The following ADGB variants were observed in gnomAD, a reference collection of about 807,000 sequenced individuals.
ADGB encodes the protein calpain-7-like protein.
Under a neutral mutation model 210.5 loss-of-function variants are expected in ADGB, and 172 were observed. That is an observed-to-expected ratio of 0.82 (90% confidence interval 0.72 to 0.93). The LOEUF is 0.93. Among genes scored for constraint, ADGB ranks in the 40% least tolerant of loss-of-function variants. ADGB has a pLI of 0.00. For missense variants in ADGB, 2,025 were observed against 1,964.8 expected, an observed-to-expected ratio of 1.03 and a Z score of -0.58; for synonymous variants, 658 against 662.7, an observed-to-expected ratio of 0.99 and a Z score of 0.11.
intron 33 of ADGB, among the ~76,000 whole-genome samples, chr6:146,800,144 T>TC (rs914980947): frequency 2.0e-5 from 3 of 151,888 alleles, no homozygotes; most frequent in African/African-American, 7.2e-5. Context: ...TTTTCTTTTT[T>TC]TTTAAATGAA....
intron 10 of ADGB, among the ~76,000 whole-genome samples, chr6:146,689,367 T>C (rs926472221): frequency 6.6e-6 from 1 of 152,130 alleles, no homozygotes; most frequent in African/African-American, 2.4e-5. Context: ...GAAGTATTGC[T>C]TAGTACATTG....
At chr6:146,690,294 A>T (rs561858003) in intron 10 of ADGB, among the ~76,000 whole-genome samples, 2 of 152,328 alleles carry the variant, frequency 1.3e-5, no homozygotes, top group African/African-American at 2.4e-5. Flanking sequence ...ATTGCATAGA[A>T]ATCATTGAGA....
intron 1 of ADGB, among the ~76,000 whole-genome samples, chr6:146,611,996 T>C (rs1029152531): frequency 1.3e-5 from 2 of 152,148 alleles, no homozygotes; most frequent in African/African-American, 4.8e-5. Context: ...AGCATTACTT[T>C]GTTTGAGACC....
chr6:146,721,931 C>T (rs930668706), intron 17 of ADGB, among the ~76,000 whole-genome samples: 2 of 151,982 alleles, frequency 1.3e-5, no homozygotes, highest in African/African-American at 2.4e-5. Context: ...TCCCACAGGA[C>T]CACCTACACC....
At chr6:146,759,352 A>G (rs1264727125) in intron 27 of ADGB, among the ~76,000 whole-genome samples, 4 of 151,848 alleles carry the variant, frequency 2.6e-5, no homozygotes, top group Non-Finnish European at 1.5e-5. Flanking sequence ...AAAGAATAAA[A>G]TCTTATACTA....
intron 7 of ADGB, among the ~76,000 whole-genome samples, chr6:146,668,437 G>GA (rs1202637531): frequency 6.6e-6 from 1 of 152,070 alleles, no homozygotes; most frequent in Non-Finnish European, 1.5e-5. Context: ...TTTTCAGGGA[G>GA]AAAAAACTGG....
At position 146,691,251 on chromosome 6, in the gene ADGB, C is replaced by G; in HGVS notation, c.1447C>G (p.Arg483Gly). The G allele has an allele frequency of 7.1e-6, 11 of 1,545,230 alleles. No homozygotes were observed. Among genetic ancestry groups the G allele is most frequent in the Non-Finnish European group, 9.6e-6 (11 of 1,145,420 alleles). The part of the protein sequence containing the change: ...PPPLPPWKLI[R>G]QKKETVITDE... ...TCCTCTACCTCCCTGGAAACTCATT[C>G]GTCAAAAAAAGGAAACTGTTATAAC... Residue 483 changes from arginine to glycine, a missense_variant, in exon 11 of 36, where the codon CGT becomes GGT. Transcript: ENST00000397944.
At chr6:146,662,766 C>T (rs1385575165) in intron 5 of ADGB, among the ~76,000 whole-genome samples, 1 of 151,460 alleles carries the variant, frequency 6.6e-6, no homozygotes, top group African/African-American at 2.4e-5. Flanking sequence ...AAGTAGTCAA[C>T]GTGTTTAGAT....
intron 16 of ADGB, among the ~76,000 whole-genome samples, chr6:146,718,901 T>C (rs941369551): frequency 6.6e-6 from 1 of 151,892 alleles, no homozygotes; most frequent in Admixed American, 6.6e-5. Flanking sequence ...CTGGAGTATG[T>C]GAAAACACCT....
At chr6:146,807,332 AT>A (rs1010670313) in intron 35 of ADGB, 3 of 1,477,564 alleles carry the variant, frequency 2.0e-6, no homozygotes, top group African/African-American at 1.4e-5. Flanking sequence ...AAGGAATTTC[AT>A]TTTTTTCTTT....
At chr6:146,632,552 A>C (rs947208280) in intron 1 of ADGB, among the ~76,000 whole-genome samples, 3 of 152,168 alleles carry the variant, frequency 2.0e-5, no homozygotes, top group Admixed American at 6.6e-5. Flanking sequence ...TGTCTACCAC[A>C]TTCAGTGACT....
At position 146,635,485 on chromosome 6, in the gene ADGB, A is replaced by T. The variant is rs1775404516; in HGVS notation, c.185A>T (p.Asp62Val). 1 of 1,548,968 alleles carries T rather than the reference A, an allele frequency of 6.5e-7. No homozygotes were observed. Among genetic ancestry groups the T allele is most frequent in the Non-Finnish European group, 8.7e-7 (1 of 1,145,438 alleles). ...SEADINSEKW[D>V]AGKGAKEKDK... ...GCTGACATAAATTCAGAAAAGTGGG[A>T]TGCAGGCAAAGGTGCAAAAGAAAAG... Residue 62 changes from aspartate (D) to valine (V), a missense_variant, in exon 2 of 36, where the codon GAT (aspartate) becomes GTT (valine). By Grantham distance (152) the Asp-to-Val change is radical. Coordinates refer to ENST00000397944, the MANE Select transcript of ADGB (RefSeq NM_024694.4).
intron 8 of ADGB, among the ~76,000 whole-genome samples, chr6:146,673,169 C>A (rs1427807150): frequency 6.6e-6 from 1 of 152,168 alleles, no homozygotes; most frequent in Non-Finnish European, 1.5e-5. Flanking sequence ...TACATCAAAG[C>A]ATAACAATAA....
chr6:146,735,574 G>A (rs994434265), intron 22 of ADGB, among the ~76,000 whole-genome samples: 1 of 152,050 alleles, frequency 6.6e-6, no homozygotes, highest in African/African-American at 2.4e-5. Context: ...TGTTACTTTG[G>A]GAATTAAGTT....
chr6:146,610,928 G>C (rs1780699264), intron 1 of ADGB, among the ~76,000 whole-genome samples: 1 of 152,142 alleles, frequency 6.6e-6, no homozygotes, highest in Non-Finnish European at 1.5e-5. Flanking sequence ...GGACAGGCCA[G>C]TGGTGGGGTG....
At chr6:146,612,030 C>T (rs138718463) in intron 1 of ADGB, among the ~76,000 whole-genome samples, 1 of 152,188 alleles carries the variant, frequency 6.6e-6, no homozygotes, top group African/African-American at 2.4e-5. Context: ...CAGTCTGTGT[C>T]CCAGACTGCT....
chr6:146,773,281 GA>G (rs5880685), intron 29 of ADGB, among the ~76,000 whole-genome samples: 69,206 of 149,426 alleles, frequency 0.46, 17,313 homozygotes, highest in Admixed American at 0.59. Flanking sequence ...CATACATAGA[GA>G]AAAAAAAAAG....
At chr6:146,710,821 T>C (rs1776648177) in intron 13 of ADGB, among the ~76,000 whole-genome samples, 1 of 152,206 alleles carries the variant, frequency 6.6e-6, no homozygotes, top group Non-Finnish European at 1.5e-5. Context: ...CAGAGTCACC[T>C]ACTTTTATTT....
intron 33 of ADGB, among the ~76,000 whole-genome samples, chr6:146,791,043 GCTTT>G (rs1426414491): frequency 6.6e-6 from 1 of 152,012 alleles, no homozygotes; most frequent in Non-Finnish European, 1.5e-5. Context: ...GTAGTTATTT[GCTTT>G]CTTATTATTG....
Sources: gnomAD v4.1 joint callset for allele counts (sites outside exome capture counted in the v4.1 genomes callset) on GRCh38, gnomAD v4.1.1 for gene constraint, MANE v1.5 for transcripts, NCBI Gene and HGNC (gene_info 2026-07-23, HGNC 2026-07-21) for gene names.